Variants in LRRC49 observed in about 807,000 individuals in gnomAD.
LRRC49 encodes the protein leucine rich repeat containing 49.
LRRC49 carries 50 observed loss-of-function variants against 83.3 expected under a neutral mutation model. That is an observed-to-expected ratio of 0.60 (90% CI 0.48 to 0.76). The LOEUF (loss-of-function observed/expected upper bound fraction) is 0.76, where lower values mean the gene tolerates loss of function less well. LRRC49 is among the 30% of genes least tolerant of loss of function. The pLI is 0.00. For synonymous variants in LRRC49, 286 were observed against 283.3 expected, an observed-to-expected ratio of 1.01 and a Z score of -0.10; for missense variants, 704 against 809.1, an observed-to-expected ratio of 0.87 and a Z score of 1.58.
chr15:71,013,473 A>G (rs567110434), intron 14 of LRRC49, among the ~76,000 whole-genome samples: 88 of 152,330 alleles, frequency 5.8e-4, no homozygotes, highest in African/African-American at 2.0e-3. Context: ...ATATAATTGG[A>G]TTTACATTGT....
At chr15:70,853,899 G>C in intron 1 of LRRC49, 1 of 1,327,558 alleles carries the variant, frequency 7.5e-7, no homozygotes, top group Non-Finnish European at 9.7e-7. Flanking sequence ...CTGTGCCCGC[G>C]GCTCGGCTCC....
At chr15:71,030,879 G>A (rs531089880) in intron 14 of LRRC49, among the ~76,000 whole-genome samples, 2 of 151,980 alleles carry the variant, frequency 1.3e-5, no homozygotes, top group East Asian at 2.0e-4. Flanking sequence ...GGTCATTTAT[G>A]TTCCTTTCTA....
Position 71,049,541 on chromosome 15 carries a change from G to T in LRRC49, c.1990G>T (p.Ala664Ser). Residue 664 changes from alanine (A) to serine (S), a missense_variant, in exon 16 of 16, where the codon GCA becomes TCA. Around this residue, in one of 3 missense-constraint regions of LRRC49, gnomAD observed 275 missense variants for 338.0 expected, o/e 0.81. Transcript: ENST00000260382. Reference protein sequence around the residue: ...PQMFIELVRDAVIEIRNKNSY... With the variant: ...PQMFIELVRDSVIEIRNKNSY... ...GATGTTCATTGAGCTTGTTAGGGAT[G>T]CAGTCATAGAAATTCGCAATAAAAA... 1 of 1,613,926 alleles carries T rather than the reference G, an allele frequency of 6.2e-7. No homozygotes were observed. Among genetic ancestry groups the T allele is most frequent in the Non-Finnish European group, 8.5e-7 (1 of 1,179,828 alleles).
chr15:70,992,615 G>A (rs1333733974), intron 11 of LRRC49, among the ~76,000 whole-genome samples: 1 of 152,276 alleles, frequency 6.6e-6, no homozygotes, highest in Non-Finnish European at 1.5e-5. Context: ...AGAGGCTGCA[G>A]AACAGCAAAT....
intron 1 of LRRC49, among the ~76,000 whole-genome samples, chr15:70,870,654 C>T (rs2033007316): frequency 6.6e-6 from 1 of 152,140 alleles, no homozygotes; most frequent in Non-Finnish European, 1.5e-5. Flanking sequence ...CCACGCCCAG[C>T]TAATTTTGTA....
At chr15:71,004,241 A>G (rs2038372395) in intron 11 of LRRC49, among the ~76,000 whole-genome samples, 1 of 152,146 alleles carries the variant, frequency 6.6e-6, no homozygotes, top group South Asian at 2.1e-4. Flanking sequence ...CCATAGAAAT[A>G]TTGTTCAACC....
chr15:70,987,145 C>G (rs949009784), intron 11 of LRRC49, among the ~76,000 whole-genome samples: 17 of 152,290 alleles, frequency 1.1e-4, no homozygotes, highest in African/African-American at 4.1e-4. Context: ...TGATGCTGAC[C>G]TCATAAAATG....
intron 7 of LRRC49, among the ~76,000 whole-genome samples, chr15:70,936,071 C>A (rs2035586250): frequency 6.6e-6 from 1 of 151,908 alleles, no homozygotes; most frequent in Non-Finnish European, 1.5e-5. Flanking sequence ...TGGTCCTAAG[C>A]AATTCAATAT....
At chr15:70,942,817 G>A (rs2035869377) in intron 8 of LRRC49, among the ~76,000 whole-genome samples, 1 of 152,148 alleles carries the variant, frequency 6.6e-6, no homozygotes, top group Non-Finnish European at 1.5e-5. Flanking sequence ...AGTGGGGGGA[G>A]AAAAACAGAG....
At chr15:71,024,044 C>T (rs145219744) in intron 14 of LRRC49, among the ~76,000 whole-genome samples, 2 of 152,348 alleles carry the variant, frequency 1.3e-5, no homozygotes, top group East Asian at 3.9e-4. Context: ...TCCCTGCTTA[C>T]TAGGTAGGGC....
At chr15:70,872,184 A>G (rs1412723925) in intron 1 of LRRC49, among the ~76,000 whole-genome samples, 1 of 152,258 alleles carries the variant, frequency 6.6e-6, no homozygotes, top group Non-Finnish European at 1.5e-5. Flanking sequence ...ACTCACGGTC[A>G]GGAGCTGGAG....
At chr15:71,029,038 AG>A (rs1393675232) in intron 14 of LRRC49, among the ~76,000 whole-genome samples, 2 of 152,050 alleles carry the variant, frequency 1.3e-5, no homozygotes, top group Non-Finnish European at 2.9e-5. Context: ...TTGTAACGTT[AG>A]GGTGTCGATT....
intron 15 of LRRC49, among the ~76,000 whole-genome samples, chr15:71,042,425 C>T (rs2039723212): frequency 6.6e-6 from 1 of 152,026 alleles, no homozygotes; most frequent in African/African-American, 2.4e-5. Context: ...AATCTGAAGC[C>T]CCAAAATATT....
intron 7 of LRRC49, among the ~76,000 whole-genome samples, chr15:70,921,981 C>T (rs1376578037): frequency 6.6e-6 from 1 of 152,070 alleles, no homozygotes; most frequent in African/African-American, 2.4e-5. Context: ...GCATCTTTCT[C>T]TTTAAAAATT....
intron 9 of LRRC49, among the ~76,000 whole-genome samples, chr15:70,979,518 C>T (rs2037325146): frequency 6.6e-6 from 1 of 151,374 alleles, no homozygotes; most frequent in African/African-American, 2.4e-5. Context: ...GATTACAATA[C>T]AAGATTATTA....
At chr15:70,948,590 A>C (rs1246390032) in intron 8 of LRRC49, among the ~76,000 whole-genome samples, 1 of 150,666 alleles carries the variant, frequency 6.6e-6, no homozygotes, top group Admixed American at 6.6e-5. Context: ...CTGATTTCTC[A>C]AGAAGGGTCC....
chr15:70,897,797 C>T (rs968060303), intron 3 of LRRC49, among the ~76,000 whole-genome samples: 1 of 152,108 alleles, frequency 6.6e-6, no homozygotes, highest in African/African-American at 2.4e-5. Context: ...CTTTAGGCTT[C>T]TTAGAATATT....
chr15:70,954,692 G>A (rs181557779), intron 8 of LRRC49, among the ~76,000 whole-genome samples: 189 of 150,316 alleles, frequency 1.3e-3, no homozygotes, highest in Non-Finnish European at 2.2e-3. Context: ...ATGCTTTTAG[G>A]GGGCAAGACT....
At chr15:70,882,344 A>C (rs531067507) in intron 2 of LRRC49, 2 of 1,020,700 alleles carry the variant, frequency 2.0e-6, no homozygotes, top group Admixed American at 4.7e-5. Flanking sequence ...TTATGCTGAT[A>C]CTCAACTGTC....
Sources: allele counts gnomAD v4.1 joint callset (sites outside exome capture counted in the v4.1 genomes callset), GRCh38; gene constraint gnomAD v4.1.1; regional missense constraint gnomAD v4.1.1; transcripts MANE v1.5; gene names NCBI Gene and HGNC (gene_info 2026-07-23, HGNC 2026-07-21).